The following CHD3 variants were observed in gnomAD, a reference collection of about 807,000 sequenced individuals.
CHD3 encodes ATP-dependent chromatin remodeler CHD3.
Under a neutral mutation model 248.9 loss-of-function variants are expected in CHD3, and 52 were observed. That is an observed-to-expected ratio of 0.21 (90% CI 0.17 to 0.26). The LOEUF (loss-of-function observed/expected upper bound fraction) is 0.26. Ranked by LOEUF, CHD3 falls within the 10% of genes least tolerant of loss-of-function variation. The pLI is 1.00. For synonymous variants in CHD3, 985 were observed against 985.2 expected (o/e 1.00, Z 0.00); for missense variants, 1,482 against 2,605.8 (o/e 0.57, Z 9.39).
Position 7,905,322 on chromosome 17 carries a change from C to T in CHD3, c.4138+157C>T, listed in dbSNP as rs1597988989. 4 of 717,158 alleles carry T rather than the reference C, an allele frequency of 5.6e-6. No homozygotes were observed. The East Asian group carries it at 1.1e-4, about 19-fold the overall frequency. 44.4% of individuals were successfully genotyped at this position (717,158 alleles called of 1,614,324 possible). A position where few individuals can be genotyped will look rare whatever the true frequency, so the allele number is the denominator to read the frequency against. On this transcript the variant is annotated intron_variant, in intron 26 of 39. Coordinates refer to ENST00000330494, the MANE Select transcript of CHD3 (RefSeq NM_001005273.3). The surrounding 1 kb of genome is among the most constrained non-coding windows in gnomAD (Gnocchi z 5.8). ...AAAGGAAGAAATATTCATAGTCTCTCTGCTAGTAAACTTCGGTGTGTGTGA... is the reference window on the plus strand; with the variant it reads ...AAAGGAAGAAATATTCATAGTCTCTTTGCTAGTAAACTTCGGTGTGTGTGA...
chr17:7,900,787 C>G lies in CHD3; in HGVS notation c.2978+56C>G. The G allele has an allele frequency of 1.2e-6, 2 of 1,609,994 alleles. No individual in the cohort carries two copies. The highest frequency in any genetic ancestry group is 1.7e-6 in the Non-Finnish European group (2 of 1,176,780). ...GGCTTGGGGATTGATGGGAGCGTTC[C>G]AAGTGCAATATCATAATTGCTTCCT... On this transcript the variant is annotated intron_variant, in intron 18 of 39. Coordinates refer to ENST00000330494, the MANE Select transcript of CHD3 (RefSeq NM_001005273.3). The surrounding 1 kb of genome is among the most constrained non-coding windows in gnomAD (Gnocchi z 6.5).
Position 7,904,317 on chromosome 17 carries a change from A to T in CHD3, c.3895-125A>T, listed in dbSNP as rs1970659531. The T allele has an allele frequency of 1.2e-6, 1 of 834,428 alleles. No individual in the cohort carries two copies. Among genetic ancestry groups the T allele is most frequent in the Admixed American group, 2.5e-5 (1 of 39,720 alleles). The allele number at this position is 834,428 out of a possible 1,614,324, so 51.7% of individuals were successfully genotyped here. ...CGCAATGTCCAGAAAATGTATGCAG[A>T]GCCACGAAGCTGCAGGAGTGGGGAG... is the stretch of plus-strand genomic sequence containing the variant. On this transcript the variant is annotated intron_variant, in intron 24 of 39. Transcript: ENST00000330494. This position sits in a 1 kb window ranked among gnomAD's most constrained non-coding sequence, Gnocchi z 4.4.
In CHD3 at chr17:7,907,647, T is replaced by G; in HGVS notation, c.4971T>G (p.Asp1657Glu). The G allele has an allele frequency of 6.5e-7, 1 of 1,531,286 alleles. No homozygotes were observed. Among genetic ancestry groups the G allele is most frequent in the Non-Finnish European group, 8.7e-7 (1 of 1,145,156 alleles). 94.9% of individuals were successfully genotyped at this position (1,531,286 alleles called of 1,614,324 possible). A position where few individuals can be genotyped will look rare whatever the true frequency, so the allele number is the denominator to read the frequency against. Residue 1657 changes from aspartate to glutamate, a missense_variant, in exon 33 of 40, where the codon GAT becomes GAG. Physicochemically the swap from Asp to Glu is conservative, Grantham distance 45 (BLOSUM62 2). Transcript: ENST00000330494. This position sits in a 1 kb window ranked among gnomAD's most constrained non-coding sequence, Gnocchi z 4.3. ...AAAGGGGGGAGGAGAAGCCGTTGGA[T>G]GGACAGGAACACAGGGAGAGGCCGG... The part of the protein sequence containing the change: ...PGERGEEKPL[D>E]GQEHRERPEG...
In CHD3 at chr17:7,899,518, G is replaced by C. The variant is rs1282175776; in HGVS notation, c.2519G>C (p.Gly840Ala). The C allele has an allele frequency of 1.9e-6, 3 of 1,613,954 alleles. No homozygotes were observed. The highest frequency in any genetic ancestry group is 2.7e-5 in the African/African-American group (2 of 74,884). Reference protein sequence around the residue: ...EFSFEDNAIKGGKKAFKMKRE... With the variant: ...EFSFEDNAIKAGKKAFKMKRE... ...TCCTTTGAGGACAATGCCATCAAAG[G>C]GGGCAAGAAAGCTTTTAAGATGAAG... is the stretch of plus-strand genomic sequence containing the variant. The change falls in exon 15 of 40, where the codon GGG becomes GCG. Residue 840 changes from glycine (G) to alanine (A), a missense_variant. By Grantham distance (60) the Gly-to-Ala change is moderately conservative. Transcript: ENST00000330494. The surrounding 1 kb of genome is among the most constrained non-coding windows in gnomAD (Gnocchi z 6.8).
Position 7,894,403 on chromosome 17 carries a change from G to A in CHD3, c.1076-12G>A, listed in dbSNP as rs764384189. The A allele has an allele frequency of 1.2e-6, 2 of 1,603,766 alleles. No individual in the cohort carries two copies. The highest frequency in any genetic ancestry group is 1.7e-6 in the Non-Finnish European group (2 of 1,172,230). Reference sequence around the variant, plus strand: ...CCCTGCTTCCTTATCCCTCCACCGGGGTATATGACAGTCCTGGGCTGTCCT... The same window carrying A: ...CCCTGCTTCCTTATCCCTCCACCGGAGTATATGACAGTCCTGGGCTGTCCT... On this transcript the variant is annotated splice_polypyrimidine_tract_variant and intron_variant, in intron 7 of 39. Coordinates refer to ENST00000330494, the MANE Select transcript of CHD3 (RefSeq NM_001005273.3).
Position 7,909,490 on chromosome 17 carries a change from C to T in CHD3, c.5590+152C>T, listed in dbSNP as rs1971390436. ...AACCCCACTCCTACCGACCTGGCACCCCCTTGGATTTTAGCCTCTAGGACT... is the reference window on the plus strand; with the variant it reads ...AACCCCACTCCTACCGACCTGGCACTCCCTTGGATTTTAGCCTCTAGGACT... On this transcript the variant is annotated intron_variant, in intron 37 of 39. Coordinates refer to ENST00000330494, the MANE Select transcript of CHD3 (RefSeq NM_001005273.3). The surrounding 1 kb of genome is among the most constrained non-coding windows in gnomAD (Gnocchi z 8.1). 8.5e-7 allele frequency: 1 copy of T among 1,171,616 alleles called. No homozygotes were observed. Among genetic ancestry groups the T allele is most frequent in the Non-Finnish European group, 1.2e-6 (1 of 863,710 alleles). 72.6% of individuals were successfully genotyped at this position (1,171,616 alleles called of 1,614,324 possible).
In CHD3 at chr17:7,909,638, G is replaced by A. The variant is rs1393409608; in HGVS notation, c.5590+300G>A. The A allele has an allele frequency of 2.1e-6, 1 of 469,080 alleles. No homozygotes were observed. The highest frequency in any genetic ancestry group is 3.8e-6 in the Non-Finnish European group (1 of 263,386). 29.1% of individuals were successfully genotyped at this position (469,080 alleles called of 1,614,324 possible). A position where few individuals can be genotyped will look rare whatever the true frequency, so the allele number is the denominator to read the frequency against. ...CTCTTCACTGGCAGTGGAACTGCATGCCTGCCATACTGCTTAACATCATCC... is the reference window on the plus strand; with the variant it reads ...CTCTTCACTGGCAGTGGAACTGCATACCTGCCATACTGCTTAACATCATCC... On this transcript the variant is annotated intron_variant, in intron 37 of 39. Coordinates refer to ENST00000330494, the MANE Select transcript of CHD3 (RefSeq NM_001005273.3). The surrounding 1 kb of genome is among the most constrained non-coding windows in gnomAD (Gnocchi z 8.1).
rs751276558 is a variant in CHD3, at chr17:7,907,003, T to C, written c.4638T>C (p.Ala1546=). The C allele has an allele frequency of 1.2e-6, 2 of 1,614,126 alleles. No homozygotes were observed. Among genetic ancestry groups the C allele is most frequent in the East Asian group, 2.2e-5 (1 of 44,864 alleles). The change falls in exon 30 of 40, where the codon GCT becomes GCC. Residue 1546 remains alanine, a synonymous_variant. Transcript: ENST00000330494. This position sits in a 1 kb window ranked among gnomAD's most constrained non-coding sequence, Gnocchi z 4.3. Reference sequence around the variant, plus strand: ...CTCCCACCACTCCTGAGGCTTCTGCTACCAACAGTCCCTGCACCTCTAAAC... The same window carrying C: ...CTCCCACCACTCCTGAGGCTTCTGCCACCAACAGTCCCTGCACCTCTAAAC... ...KTSPTTPEAS[A]TNSPCTSKPA...
chr17:7,909,256 C>G lies in CHD3; in HGVS notation c.5508C>G (p.Ala1836=). Residue 1836 remains alanine (A), a synonymous_variant, in exon 37 of 40, where the codon GCC becomes GCG. Transcript: ENST00000330494. This position sits in a 1 kb window ranked among gnomAD's most constrained non-coding sequence, Gnocchi z 8.1. Reference sequence around the variant, plus strand: ...CCCTCCACGCCCGCTTCGCCGAGGCCGAGTGCCTGGCCGAGAGCCACCAGC... The same window carrying G: ...CCCTCCACGCCCGCTTCGCCGAGGCGGAGTGCCTGGCCGAGAGCCACCAGC... ...AMALHARFAE[A]ECLAESHQHL... is the part of the protein sequence containing the mutation. 1 of 1,555,076 alleles carries G rather than the reference C, an allele frequency of 6.4e-7. No individual in the cohort carries two copies. The highest frequency in any genetic ancestry group is 1.4e-5 in the African/African-American group (1 of 73,318).
Position 7,893,856 on chromosome 17 carries a change from A to G in CHD3, c.845A>G (p.Lys282Arg), listed in dbSNP as rs761263308. The change falls in exon 6 of 40, where the codon AAG (lysine) becomes AGG (arginine). Residue 282 changes from lysine to arginine, a missense_variant. Coordinates refer to ENST00000330494, the MANE Select transcript of CHD3 (RefSeq NM_001005273.3). ...AGCCCCCGAGTGCCTGATGGACGCA[A>G]GAAGCTTCGGGGAAAGAAAATGGCA... is the stretch of plus-strand genomic sequence containing the variant. ...SKSPRVPDGR[K>R]KLRGKKMAPL... The G allele has an allele frequency of 1.3e-6, 2 of 1,597,630 alleles. No homozygotes were observed. The highest frequency in any genetic ancestry group is 1.7e-5 in the Admixed American group (1 of 59,664).
rs1971241295 is a variant in CHD3 at position 7,908,261 on chromosome 17, C to G, written c.5153-141C>G. ...GAACCTGGTTAGAACTGAGTTTGTT[C>G]CAAACCTAACCTTTACCCATTCCTC... is the stretch of plus-strand genomic sequence containing the variant. On this transcript the variant is annotated intron_variant, in intron 34 of 39. Coordinates refer to ENST00000330494, the MANE Select transcript of CHD3 (RefSeq NM_001005273.3). The surrounding 1 kb of genome is among the most constrained non-coding windows in gnomAD (Gnocchi z 5.8). 1.2e-6 allele frequency: 1 copy of G among 839,168 alleles called. No homozygotes were observed. The allele number at this position is 839,168 out of a possible 1,614,324, so 52.0% of individuals were successfully genotyped here.
In CHD3 at chr17:7,899,209, G is replaced by T. The variant is rs748293338; in HGVS notation, c.2343+7G>T. On this transcript the variant is annotated splice_region_variant and intron_variant, in intron 14 of 39. Coordinates refer to ENST00000330494, the MANE Select transcript of CHD3 (RefSeq NM_001005273.3). This position sits in a 1 kb window ranked among gnomAD's most constrained non-coding sequence, Gnocchi z 6.8. ...CTACTCACTCTACAAGGAGGTGCTG[G>T]ATTCTAGGACCTTGAAGGGGACCGC... The T allele has an allele frequency of 6.2e-7, 1 of 1,612,170 alleles. No homozygotes were observed. The highest frequency in any genetic ancestry group is 1.3e-5 in the African/African-American group (1 of 74,946).
At chr17:7,887,869 C>T (rs574024772), upstream of CHD3, among the ~76,000 whole-genome samples, 1 of 152,364 alleles carries the variant, frequency 6.6e-6, no homozygotes, top group East Asian at 1.9e-4. Context: ...TGCTTTATTA[C>T]CCTTCCTTGC....
chr17:7,908,092 T>C lies in CHD3; in HGVS notation c.5152+73T>C. On this transcript the variant is annotated intron_variant, in intron 34 of 39. Transcript: ENST00000330494. This position sits in a 1 kb window ranked among gnomAD's most constrained non-coding sequence, Gnocchi z 5.8. ...TCCTCATGGGGTTTCTCGTTTTGCC[T>C]GAGGCTTCCTGCTACCTTTAATTCC... 1 of 1,493,850 alleles carries C rather than the reference T, an allele frequency of 6.7e-7. No homozygotes were observed. The highest frequency in any genetic ancestry group is 9.0e-7 in the Non-Finnish European group (1 of 1,109,868). 92.5% of individuals were successfully genotyped at this position (1,493,850 alleles called of 1,614,324 possible).
chr17:7,894,662 C>T (rs949522236), intron 8 of CHD3, 54 bp downstream of exon 8: 44 of 1,556,636 alleles, frequency 2.8e-5, no homozygotes, highest in Non-Finnish European at 3.7e-5. Flanking sequence ...CCATCTCTTT[C>T]CCCCTTGGTT....
rs997933244 is a variant in CHD3, at chr17:7,898,509, G to A, written c.2065G>A (p.Gly689Arg). ...SYWRHRELIM[G>R]EDPAQPRKYK... ...CTCTTTTTCCAGAGAACTAATTATG[G>A]GGGAAGACCCTGCCCAGCCCCGCAA... is the stretch of plus-strand genomic sequence containing the variant. The change falls in exon 13 of 40, where the codon GGG becomes AGG. Residue 689 changes from glycine to arginine, a missense_variant. Gly to Arg is a moderately radical substitution (Grantham distance 125). Transcript: ENST00000330494. The A allele has an allele frequency of 1.2e-6, 2 of 1,613,650 alleles. No individual in the cohort carries two copies. The highest frequency in any genetic ancestry group is 1.3e-5 in the African/African-American group (1 of 74,882).
Position 7,907,701 on chromosome 17 carries a change from A to G in CHD3, c.5025A>G (p.Arg1675=), listed in dbSNP as rs1971161405. 6.5e-7 allele frequency: 1 copy of G among 1,529,586 alleles called. No homozygotes were observed. The highest frequency in any genetic ancestry group is 2.6e-5 in the Admixed American group (1 of 38,018). The allele number at this position is 1,529,586 out of a possible 1,614,324, so 94.8% of individuals were successfully genotyped here. ...GGGAAACAGGGGATTTGGGCAAGAG[A>G]GGTAATGGGTGGAAGGGACCGGACA... ...PEGETGDLGK[R]EDVKGDRELR... The change falls in exon 33 of 40, where the codon AGA becomes AGG. Residue 1675 remains arginine (R), a splice_region_variant and synonymous_variant. Transcript: ENST00000330494. This position sits in a 1 kb window ranked among gnomAD's most constrained non-coding sequence, Gnocchi z 4.3.
chr17:7,898,020 C>A lies in CHD3; in HGVS notation c.1969C>A (p.Pro657Thr). 1 of 1,613,998 alleles carries A rather than the reference C, an allele frequency of 6.2e-7. No homozygotes were observed. Among genetic ancestry groups the A allele is most frequent in the Non-Finnish European group, 8.5e-7 (1 of 1,179,852 alleles). The stretch of plus-strand genomic sequence containing the variant: ...CTATCTAGTAAAATGGAGGGACTTA[C>A]CATATGACCAGTCCACGTGGGAGGA... ...YHYLVKWRDL[P>T]YDQSTWEEDE... The change falls in exon 12 of 40, where the codon CCA becomes ACA. Residue 657 changes from proline (P) to threonine (T), a missense_variant. By Grantham distance (38) the Pro-to-Thr change is conservative. Around this residue, in one of 20 missense-constraint regions of CHD3, gnomAD observed 127 missense variants for 188.3 expected, o/e 0.67. Coordinates refer to ENST00000330494, the MANE Select transcript of CHD3 (RefSeq NM_001005273.3).
chr17:7,890,653 C>G lies in CHD3; in HGVS notation c.296C>G (p.Pro99Arg), dbSNP rs765578621. The change falls in exon 3 of 40, where the codon CCG becomes CGG. Residue 99 changes from proline to arginine, a missense_variant. By Grantham distance (103) the Pro-to-Arg change is moderately radical. Transcript: ENST00000330494. The stretch of plus-strand genomic sequence containing the variant: ...GGGGGCAGTGAATATGGAACCGGAC[C>G]GGGTCGGAAACGAAGAAGGAAGCAC... Reference protein sequence around the residue: ...ESGGSEYGTGPGRKRRRKHRE... With the variant: ...ESGGSEYGTGRGRKRRRKHRE... The G allele has an allele frequency of 1.9e-6, 3 of 1,603,842 alleles. No individual in the cohort carries two copies. In the South Asian group the frequency reaches 3.3e-5, roughly 18 times the overall value.
Sources: gnomAD v4.1 joint callset for allele counts (sites outside exome capture counted in the v4.1 genomes callset) on GRCh38, gnomAD v4.1.1 for gene constraint, gnomAD v4.1.1 regional missense constraint, Gnocchi (gnomAD v3.1) non-coding constraint, MANE v1.5 for transcripts, NCBI Gene and HGNC (gene_info 2026-07-23, HGNC 2026-07-21) for gene names.